The following UNK variants were observed in gnomAD, a reference collection of about 807,000 sequenced individuals.
UNK encodes the protein RING finger protein unkempt homolog.
UNK carries 32 observed loss-of-function variants against 97.6 expected under a neutral mutation model. That is an observed-to-expected ratio of 0.33 (90% confidence interval 0.25 to 0.44). UNK has a LOEUF of 0.44. Among genes scored for constraint, UNK ranks in the 20% least tolerant of loss-of-function variants. The pLI, the probability that UNK is intolerant of heterozygous loss-of-function variation, is 1.00. For missense variants in UNK, 771 were observed against 1,098.4 expected, an observed-to-expected ratio of 0.70 and a Z score of 4.21; for synonymous variants, 441 against 461.2, an observed-to-expected ratio of 0.96 and a Z score of 0.56.
intron 1 of UNK, among the ~76,000 whole-genome samples, chr17:75,798,530 GA>G (rs1425616744): frequency 6.6e-6 from 1 of 151,898 alleles, no homozygotes; most frequent in Non-Finnish European, 1.5e-5. Context: ...ATTTTTAGTA[GA>G]GATGGGGTTT....
At chr17:75,789,642 C>T (rs1336551184) in intron 1 of UNK, among the ~76,000 whole-genome samples, 1 of 152,126 alleles carries the variant, frequency 6.6e-6, no homozygotes, top group African/African-American at 2.4e-5. Flanking sequence ...GGCCTGTGAC[C>T]TCCTTTTACT....
At chr17:75,814,906 A>G (rs2062003334) in intron 6 of UNK, among the ~76,000 whole-genome samples, 1 of 152,042 alleles carries the variant, frequency 6.6e-6, no homozygotes, top group Non-Finnish European at 1.5e-5. Context: ...GTGAGTGGAG[A>G]GTCACTGGGG....
rs527459612 is a variant in UNK, at chr17:75,817,748, T to G, written c.1305+222T>G. On this transcript the variant is annotated intron_variant, in intron 9 of 15. Transcript: ENST00000589666. The surrounding 1 kb of genome is among the most constrained non-coding windows in gnomAD (Gnocchi z 5.8). Reference sequence around the variant, plus strand: ...CATAGCCTCCCCTGGGCTGCAGAGCTGGTTAGGAGAGGAGCCAGATCCCGC... The same window carrying G: ...CATAGCCTCCCCTGGGCTGCAGAGCGGGTTAGGAGAGGAGCCAGATCCCGC... Among the ~76,000 whole-genome samples the G allele has an allele frequency of 6.6e-6, 1 of 152,162 alleles. No individual in the cohort carries two copies. Among genetic ancestry groups the G allele is most frequent in the East Asian group, 1.9e-4 (1 of 5,172 alleles).
At chr17:75,786,498 C>T (rs900281413) in intron 1 of UNK, among the ~76,000 whole-genome samples, 2 of 152,160 alleles carry the variant, frequency 1.3e-5, no homozygotes, top group African/African-American at 4.8e-5. Flanking sequence ...ACAGGTGAAA[C>T]AAGTGAACAG....
rs965940369 is a variant in UNK at position 75,824,472 on chromosome 17, G to A, written c.*55G>A. The stretch of plus-strand genomic sequence containing the variant: ...ATCTTCTCACCTAGGACTTTTTAAA[G>A]TATATATATATATATGAATATATAT... On this transcript the variant is annotated 3_prime_UTR_variant, in exon 16 of 16. Coordinates refer to ENST00000589666, the MANE Select transcript of UNK (RefSeq NM_001080419.3). This position sits in a 1 kb window ranked among gnomAD's most constrained non-coding sequence, Gnocchi z 4.9. 3 of 1,106,152 alleles carry A rather than the reference G, an allele frequency of 2.7e-6. No homozygotes were observed. In the East Asian group the frequency reaches 1.1e-4, roughly 39 times the overall value. 68.5% of individuals were successfully genotyped at this position (1,106,152 alleles called of 1,614,324 possible). A position where few individuals can be genotyped will look rare whatever the true frequency, so the allele number is the denominator to read the frequency against.
In UNK at chr17:75,802,992, G is replaced by A. The variant is rs2061875653; in HGVS notation, c.105-6768G>A. On this transcript the variant is annotated intron_variant, in intron 1 of 15. Transcript: ENST00000589666. The stretch of plus-strand genomic sequence containing the variant: ...ATACAAAAATTACAGGCCGGACGCG[G>A]TGGCTCACACCTGTAATCCCAGCAC... Among the ~76,000 whole-genome samples, 3 of 88,710 alleles carry A rather than the reference G, an allele frequency of 3.4e-5. 1 individual carries two copies. The highest frequency in any genetic ancestry group is 7.5e-4 in the South Asian group (2 of 2,652). The allele number at this position is 88,710 out of a possible 152,430, so 58.2% of individuals were successfully genotyped here. A position where few individuals can be genotyped will look rare whatever the true frequency, so the allele number is the denominator to read the frequency against.
intron 1 of UNK, among the ~76,000 whole-genome samples, chr17:75,807,518 C>T (rs2061929771): frequency 6.6e-6 from 1 of 152,206 alleles, no homozygotes; most frequent in Admixed American, 6.5e-5. Context: ...TGCAATGGCA[C>T]GATCTTGGCT....
At position 75,816,065 on chromosome 17, in the gene UNK, T is replaced by G. The variant is rs1279456817; in HGVS notation, c.962-705T>G. ...CTAAGTCTATGAGATCTGATAGCATTTTAATGCCTACGGGATATTTCCATT... is the reference window on the plus strand; with the variant it reads ...CTAAGTCTATGAGATCTGATAGCATGTTAATGCCTACGGGATATTTCCATT... On this transcript the variant is annotated intron_variant, in intron 7 of 15. Coordinates refer to ENST00000589666, the MANE Select transcript of UNK (RefSeq NM_001080419.3). This position sits in a 1 kb window ranked among gnomAD's most constrained non-coding sequence, Gnocchi z 4.0. Among the ~76,000 whole-genome samples the G allele has an allele frequency of 6.6e-6, 1 of 152,196 alleles. No individual in the cohort carries two copies. The highest frequency in any genetic ancestry group is 2.4e-5 in the African/African-American group (1 of 41,434).
intron 1 of UNK, among the ~76,000 whole-genome samples, chr17:75,789,843 A>G (rs182139605): frequency 6.6e-6 from 1 of 152,174 alleles, no homozygotes; most frequent in Non-Finnish European, 1.5e-5. Context: ...CAGTTATACT[A>G]TTGAAAGTGT....
intron 1 of UNK, among the ~76,000 whole-genome samples, chr17:75,807,791 T>A (rs934711427): frequency 1.3e-5 from 2 of 150,868 alleles, no homozygotes; most frequent in African/African-American, 2.4e-5. Flanking sequence ...GTTTCAGCAG[T>A]TTGGCCAGTC....
chr17:75,785,151 A>G (rs2061696372), intron 1 of UNK, 167 bp downstream of exon 1: 1 of 512,636 alleles, frequency 2.0e-6, no homozygotes, highest in East Asian at 3.7e-5. Context: ...AACTGCCTCC[A>G]ACTGCCACCA....
At chr17:75,799,286 A>G (rs2061835117) in intron 1 of UNK, among the ~76,000 whole-genome samples, 1 of 152,158 alleles carries the variant, frequency 6.6e-6, no homozygotes, top group South Asian at 2.1e-4. Flanking sequence ...AGCCTGGGTG[A>G]CAGAATGAGA....
chr17:75,793,314 A>G (rs1228600558), intron 1 of UNK: 1 of 626,690 alleles, frequency 1.6e-6, no homozygotes, highest in African/African-American at 2.0e-5. Flanking sequence ...TTCTTTAAGG[A>G]CAGGCCATGT....
intron 1 of UNK, 117 bp downstream of exon 1, chr17:75,785,101 G>A (rs2061695435): frequency 7.6e-6 from 5 of 659,462 alleles, no homozygotes; most frequent in Non-Finnish European, 1.2e-5. Flanking sequence ...TCCTCCTCCG[G>A]CCCGGCCCAG....
At position 75,818,910 on chromosome 17, in the gene UNK, C is replaced by A; in HGVS notation, c.1546+94C>A. On this transcript the variant is annotated intron_variant, in intron 11 of 15. Coordinates refer to ENST00000589666, the MANE Select transcript of UNK (RefSeq NM_001080419.3). The surrounding 1 kb of genome is among the most constrained non-coding windows in gnomAD (Gnocchi z 5.1). ...GCGAGTCTCAAATCAGCACACCAGACCCCTTAGACATCTGTCTTCGGAAAA... is the reference window on the plus strand; with the variant it reads ...GCGAGTCTCAAATCAGCACACCAGAACCCTTAGACATCTGTCTTCGGAAAA... The A allele has an allele frequency of 1.5e-6, 2 of 1,364,336 alleles. No individual in the cohort carries two copies. The highest frequency in any genetic ancestry group is 1.9e-6 in the Non-Finnish European group (2 of 1,030,336). The allele number at this position is 1,364,336 out of a possible 1,614,324, so 84.5% of individuals were successfully genotyped here. A position where few individuals can be genotyped will look rare whatever the true frequency, so the allele number is the denominator to read the frequency against.
In UNK at chr17:75,793,350, A is replaced by G. The variant is rs1057475789; in HGVS notation, c.104+8366A>G. ...GTTTTAGGCATTTAAAATGATATCA[A>G]TGGCTATACTATATTAGTTCAAGTA... On this transcript the variant is annotated intron_variant, in intron 1 of 15. Transcript: ENST00000589666. The G allele has an allele frequency of 9.8e-6, 9 of 915,584 alleles. No individual in the cohort carries two copies. In the East Asian group the frequency reaches 3.6e-4, roughly 36 times the overall value. The allele number at this position is 915,584 out of a possible 1,614,324, so 56.7% of individuals were successfully genotyped here. A position where few individuals can be genotyped will look rare whatever the true frequency, so the allele number is the denominator to read the frequency against.
intron 1 of UNK, among the ~76,000 whole-genome samples, chr17:75,802,861 C>T (rs1052151467): frequency 5.3e-5 from 8 of 151,976 alleles, no homozygotes; most frequent in Non-Finnish European, 1.0e-4. Flanking sequence ...GCACCATGGC[C>T]CACACCTGTA....
intron 1 of UNK, among the ~76,000 whole-genome samples, chr17:75,799,748 G>C (rs932769697): frequency 5.3e-5 from 8 of 152,180 alleles, no homozygotes; most frequent in Non-Finnish European, 8.8e-5. Flanking sequence ...GGGGCAGGCA[G>C]GGCCAGGGAA....
At chr17:75,787,870 G>A (rs2061727646) in intron 1 of UNK, among the ~76,000 whole-genome samples, 2 of 150,750 alleles carry the variant, frequency 1.3e-5, no homozygotes, top group African/African-American at 4.9e-5. Flanking sequence ...TTAACCAGGT[G>A]GACTTGAATT....
Sources: allele counts gnomAD v4.1 joint callset (sites outside exome capture counted in the v4.1 genomes callset), GRCh38; gene constraint gnomAD v4.1.1; non-coding constraint Gnocchi (gnomAD v3.1); transcripts MANE v1.5; gene names NCBI Gene and HGNC (gene_info 2026-07-23, HGNC 2026-07-21).